SPINK5: variants seen among roughly 807,000 people sequenced by gnomAD.
SPINK5 encodes serine protease inhibitor Kazal-type 5.
SPINK5 carries 125 observed loss-of-function variants against 151.8 expected under a neutral mutation model. That is an observed-to-expected ratio of 0.82 (90% CI 0.71 to 0.96). SPINK5 has a LOEUF of 0.96. Among genes scored for constraint, SPINK5 ranks in the 40% least tolerant of loss-of-function variants. The probability of loss-of-function intolerance (pLI) is 0.00; values close to 1 mark genes in which losing one functional copy is unlikely to be tolerated. For synonymous variants in SPINK5, 374 were observed against 395.3 expected (o/e 0.95, Z 0.64); for missense variants, 1,194 against 1,291.9 (o/e 0.92, Z 1.16).
Position 148,124,813 on chromosome 5 carries a change from T to C in SPINK5, c.2715T>C (p.Ser905=). 1 of 1,607,842 alleles carries C rather than the reference T, an allele frequency of 6.2e-7. No individual in the cohort carries two copies. The highest frequency in any genetic ancestry group is 1.1e-5 in the South Asian group (1 of 89,954). ...ERKKKDEEKS[S]SKPSNNAKDE... ...AAAAGAAAGATGAAGAGAAATCAAGTAGCAAGCCCTCAAATAATGCAAAGG... is the reference window on the plus strand; with the variant it reads ...AAAAGAAAGATGAAGAGAAATCAAGCAGCAAGCCCTCAAATAATGCAAAGG... Residue 905 remains serine (S), a synonymous_variant, in exon 28 of 33, where the codon AGT becomes AGC. Coordinates refer to ENST00000256084, the MANE Select transcript of SPINK5 (RefSeq NM_006846.4).
At chr5:148,113,252 G>A (rs1296347748) in intron 20 of SPINK5, among the ~76,000 whole-genome samples, 2 of 152,062 alleles carry the variant, frequency 1.3e-5, no homozygotes, top group Non-Finnish European at 2.9e-5. Flanking sequence ...GTTGCTCACA[G>A]GTCACAGTTT....
chr5:148,095,301 A>G (rs1045406040), intron 9 of SPINK5, among the ~76,000 whole-genome samples: 1 of 151,912 alleles, frequency 6.6e-6, no homozygotes, highest in African/African-American at 2.4e-5. Context: ...ATGTGTTTGT[A>G]TTATATACTC....
At chr5:148,093,391 G>GT (rs1226501602) in intron 8 of SPINK5, among the ~76,000 whole-genome samples, 2 of 151,778 alleles carry the variant, frequency 1.3e-5, no homozygotes, top group African/African-American at 4.8e-5. Flanking sequence ...TTCTAAATGA[G>GT]TATCAGTCTT....
intron 2 of SPINK5, among the ~76,000 whole-genome samples, chr5:148,069,808 A>G (rs1011710962): frequency 1.1e-4 from 16 of 152,116 alleles, no homozygotes; most frequent in African/African-American, 3.9e-4. Flanking sequence ...TTTTCAGAAA[A>G]TAAACCAGTC....
At chr5:148,079,560 C>T (rs1424305404) in intron 4 of SPINK5, among the ~76,000 whole-genome samples, 1 of 150,886 alleles carries the variant, frequency 6.6e-6, no homozygotes, top group African/African-American at 2.4e-5. Flanking sequence ...AAATCATTAC[C>T]AAATAAGAAT....
At chr5:148,065,745 T>C (rs1394598364) in intron 2 of SPINK5, among the ~76,000 whole-genome samples, 1 of 152,222 alleles carries the variant, frequency 6.6e-6, no homozygotes. Flanking sequence ...TTTCTAGTAA[T>C]CATTATGCAA....
rs754270718 is a variant in SPINK5 at position 148,131,373 on chromosome 5, C to A, written c.3079C>A (p.Leu1027Ile). The A allele has an allele frequency of 2.5e-6, 4 of 1,613,916 alleles. No homozygotes were observed. Among genetic ancestry groups the A allele is most frequent in the Middle Eastern group, 1.6e-4 (1 of 6,062 alleles). The change falls in exon 31 of 33, where the codon CTC becomes ATC. Residue 1027 changes from leucine to isoleucine, a missense_variant. By Grantham distance (5) the Leu-to-Ile change is conservative (BLOSUM62 2). Coordinates refer to ENST00000256084, the MANE Select transcript of SPINK5 (RefSeq NM_006846.4). The stretch of plus-strand genomic sequence containing the variant: ...CCAAACCTACAACAATCCTTGCATG[C>A]TCTGTCATGAAAACCTGTAAGTATT... ...DGQTYNNPCM[L>I]CHENLIRQTN...
rs1418393504 is a variant in SPINK5 at position 148,133,313 on chromosome 5, CA to C, written c.3096-482del. 7.9e-5 allele frequency among the ~76,000 whole-genome samples: 12 copies of C among 152,174 alleles called. No individual in the cohort carries two copies. The South Asian group carries it at 1.4e-3, about 18-fold the overall frequency. ...TGAGTTTCCCATTACCAGAGGCAAA[CA>C]AGTACATGTCTGATTCATAATATTT... On this transcript the variant is annotated intron_variant, in intron 31 of 32. Coordinates refer to ENST00000256084, the MANE Select transcript of SPINK5 (RefSeq NM_006846.4).
Position 148,101,442 on chromosome 5 carries a change from T to G in SPINK5, c.1302+6T>G, listed in dbSNP as rs201258585. 1.9e-6 allele frequency: 3 copies of G among 1,604,056 alleles called. No individual in the cohort carries two copies. The highest frequency in any genetic ancestry group is 2.6e-6 in the Non-Finnish European group (3 of 1,171,058). ...AGAGTACAGCTTCCTTTGAGGTGAGTTTATATCCTCCAGCAACTCAGAGGG... is the reference window on the plus strand; with the variant it reads ...AGAGTACAGCTTCCTTTGAGGTGAGGTTATATCCTCCAGCAACTCAGAGGG... On this transcript the variant is annotated splice_donor_region_variant and intron_variant, in intron 14 of 32. Coordinates refer to ENST00000256084, the MANE Select transcript of SPINK5 (RefSeq NM_006846.4).
At chr5:148,111,690 T>C in intron 18 of SPINK5, 78 bp from the exon 19 acceptor site, 1 of 1,606,308 alleles carries the variant, frequency 6.2e-7, no homozygotes. Flanking sequence ...GTTTTAGTTT[T>C]TAAAGCAGTA....
At position 148,088,844 on chromosome 5, in the gene SPINK5, A is replaced by AG. The variant is rs1554103487; in HGVS notation, c.474+239_474+240insG. ...CTATTGCTGCTTTGTATAAAAAAAAAAAGAAGAAGAAGAAATAAAAAGGAA... is the reference window on the plus strand; with the variant it reads ...CTATTGCTGCTTTGTATAAAAAAAAAGAAGAAGAAGAAGAAATAAAAAGGAA... On this transcript the variant is annotated intron_variant, in intron 6 of 32. Coordinates refer to ENST00000256084, the MANE Select transcript of SPINK5 (RefSeq NM_006846.4). 5.9e-5 allele frequency among the ~76,000 whole-genome samples: 9 copies of AG among 151,286 alleles called. No individual in the cohort carries two copies. The South Asian group carries it at 1.0e-3, about 18-fold the overall frequency.
chr5:148,106,946 T>C (rs2113140306), intron 16 of SPINK5, 91 bp from the exon 17 acceptor site: 1 of 1,561,528 alleles, frequency 6.4e-7, no homozygotes, highest in South Asian at 1.1e-5. Context: ...TTGTTTTTAC[T>C]TTTTACTCTA....
At chr5:148,123,040 T>C (rs542166560) in intron 26 of SPINK5, among the ~76,000 whole-genome samples, 1 of 151,902 alleles carries the variant, frequency 6.6e-6, no homozygotes, top group South Asian at 2.1e-4. Flanking sequence ...CTCTGCCTCA[T>C]AGAAAATGGT....
In SPINK5 at chr5:148,114,802, T is replaced by G. The variant is rs144122716; in HGVS notation, c.2015+313T>G. ...TCCTTTCTCTGGATTATCTCGCAACTCATGTTGGAAAGAAAACACACAGAT... is the reference window on the plus strand; with the variant it reads ...TCCTTTCTCTGGATTATCTCGCAACGCATGTTGGAAAGAAAACACACAGAT... On this transcript the variant is annotated intron_variant, in intron 21 of 32. Coordinates refer to ENST00000256084, the MANE Select transcript of SPINK5 (RefSeq NM_006846.4). 2.3e-3 allele frequency among the ~76,000 whole-genome samples: 356 copies of G among 152,284 alleles called. 1 individual carries two copies. Among genetic ancestry groups the G allele is most frequent in the African/African-American group, 8.1e-3 (338 of 41,556 alleles).
In SPINK5 at chr5:148,095,818, C is replaced by A. The variant is rs867141435; in HGVS notation, c.795C>A (p.Phe265Leu). Residue 265 changes from phenylalanine to leucine, a missense_variant and splice_region_variant, in exon 10 of 33, where the codon TTC becomes TTA. Coordinates refer to ENST00000256084, the MANE Select transcript of SPINK5 (RefSeq NM_006846.4). ...TACTCATTTATTTTACTTTTTCCAG[C>A]AAGCAGCGTTTTTCAGAGGAAAACA... ...GNKCALCAEI[F>L]KQRFSEENSK... 6.2e-7 allele frequency: 1 copy of A among 1,611,206 alleles called. No individual in the cohort carries two copies. Among genetic ancestry groups the A allele is most frequent in the Non-Finnish European group, 8.5e-7 (1 of 1,178,118 alleles).
At chr5:148,131,789 T>A (rs1172075735) in intron 31 of SPINK5, among the ~76,000 whole-genome samples, 1 of 152,182 alleles carries the variant, frequency 6.6e-6, no homozygotes, top group East Asian at 1.9e-4. Context: ...AAAGGTCCTG[T>A]GACTATAATA....
chr5:148,118,554 A>G lies in SPINK5; in HGVS notation c.2230A>G (p.Lys744Glu). The G allele has an allele frequency of 6.2e-7, 1 of 1,614,182 alleles. No homozygotes were observed. The change falls in exon 23 of 33, where the codon AAA becomes GAA. Residue 744 changes from lysine (K) to glutamate (E), a missense_variant. Physicochemically the swap from Lys to Glu is moderately conservative, Grantham distance 56. Coordinates refer to ENST00000256084, the MANE Select transcript of SPINK5 (RefSeq NM_006846.4). ...GTACAACAATCAGTGTACCATGTGT[A>G]AAGCAAAATTGTAAGTATTTCTCTC... Reference protein sequence around the residue: ...KSYNNQCTMCKAKLEREAERK... With the variant: ...KSYNNQCTMCEAKLEREAERK...
intron 16 of SPINK5, among the ~76,000 whole-genome samples, chr5:148,105,869 T>C (rs1753769678): frequency 6.7e-6 from 1 of 149,914 alleles, no homozygotes; most frequent in East Asian, 2.0e-4. Flanking sequence ...AGTGATTCAC[T>C]CACCTTGGCC....
chr5:148,103,273 A>C (rs1753695602), intron 15 of SPINK5, among the ~76,000 whole-genome samples: 1 of 152,182 alleles, frequency 6.6e-6, no homozygotes, highest in Non-Finnish European at 1.5e-5. Context: ...AGATGAAACC[A>C]GATAAAAAGC....
Sources: allele counts gnomAD v4.1 joint callset (sites outside exome capture counted in the v4.1 genomes callset), GRCh38; gene constraint gnomAD v4.1.1; transcripts MANE v1.5; gene names NCBI Gene and HGNC (gene_info 2026-07-23, HGNC 2026-07-21).